The following PBRM1 variants were observed in gnomAD, a reference collection of about 807,000 sequenced individuals.
The protein encoded by PBRM1 is polybromo 1, also known as protein polybromo-1.
In PBRM1, 27 loss-of-function variants were observed where a neutral mutation model predicts 194.5. The ratio of observed to expected loss-of-function variants is 0.14; its 90% confidence interval spans 0.10 to 0.19. The LOEUF is 0.19. PBRM1 is among the 10% of genes least tolerant of loss of function. The pLI is 1.00. For synonymous variants in PBRM1, 655 were observed against 693.2 expected, an observed-to-expected ratio of 0.94 and a Z score of 0.87; for missense variants, 1,466 against 2,077.2, an observed-to-expected ratio of 0.71 and a Z score of 5.72.
upstream of PBRM1, chr3:52,679,755 C>T: frequency 6.3e-7 from 1 of 1,585,868 alleles, no homozygotes; most frequent in East Asian, 2.2e-5. Flanking sequence ...CATGTTCTTA[C>T]ATTTAAATAG....
At chr3:52,560,717 AT>A in intron 25 of PBRM1, 1 of 152,326 alleles carries the variant, frequency 6.6e-6, no homozygotes, top group Admixed American at 6.5e-5. Flanking sequence ...TTGCCACAAA[AT>A]GTTTTTTGGC....
intron 20 of PBRM1, 34 bp from the exon 23 acceptor site, chr3:52,579,233 T>C (rs2090460007): frequency 3.8e-6 from 6 of 1,597,462 alleles, no homozygotes; most frequent in South Asian, 1.1e-5. Context: ...AGAAAGGTAG[T>C]TGATAATCAA....
intron 16 of PBRM1, among the ~76,000 whole-genome samples, chr3:52,605,885 G>A (rs1473461857): frequency 6.6e-6 from 1 of 152,120 alleles, no homozygotes; most frequent in Admixed American, 6.5e-5. Flanking sequence ...TTACAGGTGT[G>A]AGCCACTGTG....
At chr3:52,628,820 T>C in intron 12 of PBRM1, 74 bp downstream of exon 13, 1 of 1,350,596 alleles carries the variant, frequency 7.4e-7, no homozygotes, top group Non-Finnish European at 1.1e-6. Flanking sequence ...CACATCTTAC[T>C]AGAACACACT....
At chr3:52,680,802 A>T (rs1214764457), upstream of PBRM1, among the ~76,000 whole-genome samples, 2 of 152,062 alleles carry the variant, frequency 1.3e-5, no homozygotes, top group African/African-American at 4.8e-5. Flanking sequence ...TCTGGGACTA[A>T]GGCGTGTGCC....
Position 52,616,091 on chromosome 3 carries a change from A to G in PBRM1, c.1819-635T>C, listed in dbSNP as rs376052994. On this transcript the variant is annotated intron_variant, in intron 14 of 29. Coordinates refer to ENST00000296302, the Ensembl canonical transcript of PBRM1. ...CCACCAAAGCAGAGGAGCTGAGGGAATAAGTGACCTCCCTTGTCTGGCCAC... is the reference window on the plus strand; with the variant it reads ...CCACCAAAGCAGAGGAGCTGAGGGAGTAAGTGACCTCCCTTGTCTGGCCAC... Among the ~76,000 whole-genome samples, 6 of 152,238 alleles carry G rather than the reference A, an allele frequency of 3.9e-5. 1 individual carries two copies. Among genetic ancestry groups the G allele is most frequent in the Admixed American group, 1.3e-4 (2 of 15,298 alleles).
At chr3:52,606,264 C>T (rs2153384811) in intron 16 of PBRM1, among the ~76,000 whole-genome samples, 1 of 152,154 alleles carries the variant, frequency 6.6e-6, no homozygotes, top group South Asian at 2.1e-4. Context: ...CCACCTTGGG[C>T]TCCAAAAGTG....
chr3:52,650,159 T>C (rs915669556), intron 6 of PBRM1, among the ~76,000 whole-genome samples: 13 of 151,812 alleles, frequency 8.6e-5, no homozygotes, highest in African/African-American at 3.1e-4. Flanking sequence ...AGTCAGGAGT[T>C]CGAGATCAGC....
intron 2 of PBRM1, among the ~76,000 whole-genome samples, chr3:52,676,806 A>G (rs1446626923): frequency 6.6e-6 from 1 of 152,222 alleles, no homozygotes; most frequent in Non-Finnish European, 1.5e-5. Flanking sequence ...ACGGACAATA[A>G]GGTCCAGGCT....
chr3:52,583,089 T>C (rs1261497989), intron 20 of PBRM1, among the ~76,000 whole-genome samples: 1 of 72,580 alleles, frequency 1.4e-5, no homozygotes, highest in Non-Finnish European at 2.4e-5. Context: ...AGAGTGAGAC[T>C]CCATCTCAAA....
chr3:52,684,769 T>C (rs910540207), intron 1 of PBRM1: 4 of 152,222 alleles, frequency 2.6e-5, no homozygotes, highest in Admixed American at 1.3e-4. Context: ...ATTTGAGGTA[T>C]TTTGTACATT....
chr3:52,611,518 A>G (rs2094606914), intron 15 of PBRM1, among the ~76,000 whole-genome samples: 1 of 152,220 alleles, frequency 6.6e-6, no homozygotes, highest in Non-Finnish European at 1.5e-5. Context: ...AGTACAACAT[A>G]GTGGGCCAGG....
At chr3:52,627,352 C>T in exon 13 of PBRM1, 1 of 1,612,826 alleles carries the variant, frequency 6.2e-7, no homozygotes, top group Non-Finnish European at 8.5e-7. Context: ...TCTCTCCTGG[C>T]AAGCTCTTTC....
intron 29 of PBRM1, among the ~76,000 whole-genome samples, chr3:52,549,453 TA>T (rs1192648539): frequency 2.6e-5 from 4 of 152,090 alleles, no homozygotes; most frequent in African/African-American, 9.7e-5. Context: ...GCCTGGCCAA[TA>T]ATTTTTAATT....
At chr3:52,546,604 T>A (rs2079709830), downstream of PBRM1, 1 of 231,340 alleles carries the variant, frequency 4.3e-6, no homozygotes, top group East Asian at 6.2e-5. Context: ...TCCTCTGAGA[T>A]TAACTCTCTC....
intron 17 of PBRM1, among the ~76,000 whole-genome samples, chr3:52,592,583 T>G (rs1225564939): frequency 6.6e-6 from 1 of 152,220 alleles, no homozygotes; most frequent in African/African-American, 2.4e-5. Context: ...TTCTTAAGGA[T>G]TTCTGCATTA....
chr3:52,672,102 G>C (rs1478151901), intron 2 of PBRM1, among the ~76,000 whole-genome samples: 1 of 152,180 alleles, frequency 6.6e-6, no homozygotes, highest in East Asian at 1.9e-4. Context: ...CATGCCGTCT[G>C]GATGTTCTAG....
intron 10 of PBRM1, among the ~76,000 whole-genome samples, chr3:52,640,764 A>G (rs531912074): frequency 2.6e-5 from 4 of 151,934 alleles, no homozygotes; most frequent in African/African-American, 9.7e-5. Flanking sequence ...AAGCCTTCCG[A>G]GTAGCTGAGA....
chr3:52,596,475 A>AAAAAAG (rs1320787396), intron 17 of PBRM1, among the ~76,000 whole-genome samples: 1 of 132,958 alleles, frequency 7.5e-6, no homozygotes, highest in South Asian at 2.4e-4. Flanking sequence ...AAAAAAAAAA[A>AAAAAAG]AAAAAGAAAT....
Sources: gnomAD v4.1 joint callset for allele counts (sites outside exome capture counted in the v4.1 genomes callset) on GRCh38, gnomAD v4.1.1 for gene constraint, MANE v1.5 for transcripts, NCBI Gene and HGNC (gene_info 2026-07-23, HGNC 2026-07-21) for gene names.